Variants in CCDC141 observed in about 807,000 individuals in gnomAD.
The protein encoded by CCDC141 is coiled-coil domain-containing protein 141.
Under a neutral mutation model 181.0 loss-of-function variants are expected in CCDC141, and 168 were observed. The observed-to-expected ratio is 0.93, with a 90% CI of 0.82 to 1.05. The LOEUF is 1.05. Among genes scored for constraint, CCDC141 ranks in the 50% least tolerant of loss-of-function variants. CCDC141 has a pLI of 0.00. For synonymous variants in CCDC141, 666 were observed against 642.3 expected, an observed-to-expected ratio of 1.04 and a Z score of -0.56; for missense variants, 1,902 against 1,788.5, an observed-to-expected ratio of 1.06 and a Z score of -1.14.
rs1412768913 is a variant in CCDC141, at chr2:178,945,760, CT to C, written c.781-1110del. 2.0e-5 allele frequency among the ~76,000 whole-genome samples: 3 copies of C among 151,902 alleles called. No homozygotes were observed. In the East Asian group the frequency reaches 5.8e-4, roughly 29 times the overall value. On this transcript the variant is annotated intron_variant, in intron 5 of 23. Coordinates refer to ENST00000443758, the MANE Select transcript of CCDC141 (RefSeq NM_173648.4). ...GCAGTCTCAGGATTTCTCTGAAATCCTATAACATGGAGAAATGTGTACAACA... is the reference window on the plus strand; with the variant it reads ...GCAGTCTCAGGATTTCTCTGAAATCCATAACATGGAGAAATGTGTACAACA...
At chr2:178,844,680 GA>G (rs1324556956) in intron 22 of CCDC141, among the ~76,000 whole-genome samples, 1 of 152,176 alleles carries the variant, frequency 6.6e-6, no homozygotes, top group African/African-American at 2.4e-5. Context: ...GGACCTATAA[GA>G]AAGCTGAAAG....
intron 2 of CCDC141, among the ~76,000 whole-genome samples, chr2:179,001,383 A>G (rs1022478912): frequency 6.6e-6 from 1 of 152,172 alleles, no homozygotes; most frequent in African/African-American, 2.4e-5. Flanking sequence ...GTGCAGCTGC[A>G]GTGTCAGCAA....
At chr2:178,824,872 A>AGG (rs1193441716), downstream of CCDC141, among the ~76,000 whole-genome samples, 3 of 152,180 alleles carry the variant, frequency 2.0e-5, no homozygotes, top group Non-Finnish European at 4.4e-5. Flanking sequence ...GGGTCTTTAC[A>AGG]GTGCTCTACT....
chr2:178,855,346 C>T lies in CCDC141; in HGVS notation c.3060+1G>A, dbSNP rs774064632. On this transcript the variant is annotated splice_donor_variant, in intron 19 of 23. Transcript: ENST00000443758. LOFTEE classifies it high-confidence loss of function. ...TGGATACCACTGCAAAAAGAGAATACCTCTTCTATCACCTCCTGGAAATGC... is the reference window on the plus strand; with the variant it reads ...TGGATACCACTGCAAAAAGAGAATATCTCTTCTATCACCTCCTGGAAATGC... The T allele has an allele frequency of 1.2e-6, 2 of 1,603,304 alleles. No homozygotes were observed. Among genetic ancestry groups the T allele is most frequent in the Non-Finnish European group, 1.7e-6 (2 of 1,176,582 alleles).
At position 178,898,388 on chromosome 2, in the gene CCDC141, A is replaced by G. The variant is rs147624634; in HGVS notation, c.1265+6941T>C. Among the ~76,000 whole-genome samples the G allele has an allele frequency of 4.4e-4, 67 of 152,310 alleles. 1 individual carries two copies. The East Asian group carries it at 6.2e-3, about 14-fold the overall frequency. On this transcript the variant is annotated intron_variant, in intron 8 of 23. Transcript: ENST00000443758. ...CAGCCTCCAGAATCATAAGCTAGCTAAACTTCTTTCTTTTATATATTACCA... is the reference window on the plus strand; with the variant it reads ...CAGCCTCCAGAATCATAAGCTAGCTGAACTTCTTTCTTTTATATATTACCA...
downstream of CCDC141, chr2:178,825,316 C>T (rs925871694): frequency 6.6e-6 from 1 of 152,180 alleles, no homozygotes; most frequent in Non-Finnish European, 1.5e-5. Flanking sequence ...TACATACCCA[C>T]AGTAGCTACA....
At chr2:178,923,746 C>G (rs11895246) in intron 6 of CCDC141, among the ~76,000 whole-genome samples, 17,899 of 152,086 alleles carry the variant, frequency 0.12, 1,667 homozygotes, top group African/African-American at 0.26. Flanking sequence ...CCATAGGTCA[C>G]TCCGTTATTT....
chr2:178,919,344 G>A (rs1018477551), intron 6 of CCDC141, among the ~76,000 whole-genome samples: 2 of 152,088 alleles, frequency 1.3e-5, no homozygotes, highest in South Asian at 2.1e-4. Flanking sequence ...TCTGCCATTC[G>A]ATTTTCAAAT....
At chr2:178,907,624 A>G (rs1688029410) in intron 7 of CCDC141, among the ~76,000 whole-genome samples, 1 of 152,218 alleles carries the variant, frequency 6.6e-6, no homozygotes, top group South Asian at 2.1e-4. Context: ...TTGAACTTGA[A>G]GAACTCTTCT....
intron 6 of CCDC141, among the ~76,000 whole-genome samples, chr2:178,925,865 T>C (rs1688889652): frequency 6.6e-6 from 1 of 152,174 alleles, no homozygotes; most frequent in South Asian, 2.1e-4. Flanking sequence ...ACACAATCCA[T>C]TGAGATCCAT....
rs1559048844 is a variant in CCDC141, at chr2:179,015,113, ATAATCATATATATATATC to A, written c.225+32153_225+32170del. Among the ~76,000 whole-genome samples, 214 of 29,556 alleles carry A rather than the reference ATAATCATATATATATATC, an allele frequency of 7.2e-3. 3 individuals are homozygous for A. Among genetic ancestry groups the A allele is most frequent in the Non-Finnish European group, 0.02 (165 of 8,274 alleles). The allele number at this position is 29,556 out of a possible 152,430, so 19.4% of individuals were successfully genotyped here. On this transcript the variant is annotated intron_variant, in intron 2 of 23. Coordinates refer to ENST00000443758, the MANE Select transcript of CCDC141 (RefSeq NM_173648.4). ...ATATATATATATATATAATATATATATAATCATATATATATATCATATCATATATATCAATATATCTCA... is the reference window on the plus strand; with the variant it reads ...ATATATATATATATATAATATATATAATATCATATATATCAATATATCTCA...
chr2:178,853,693 G>A, intron 19 of CCDC141, 69 bp from the exon 20 acceptor site: 1 of 1,347,968 alleles, frequency 7.4e-7, no homozygotes, highest in Non-Finnish European at 1.0e-6. Flanking sequence ...ATTTTGACCA[G>A]TGAAGTATCA....
At chr2:179,013,659 C>A (rs887958729) in intron 2 of CCDC141, among the ~76,000 whole-genome samples, 1 of 152,034 alleles carries the variant, frequency 6.6e-6, no homozygotes, top group Admixed American at 6.6e-5. Flanking sequence ...ATAGCCAAAG[C>A]AAGACTAAGC....
intron 8 of CCDC141, among the ~76,000 whole-genome samples, chr2:178,889,265 A>G (rs1053255746): frequency 6.6e-6 from 1 of 152,052 alleles, no homozygotes; most frequent in Non-Finnish European, 1.5e-5. Context: ...TGTTGGCCTC[A>G]TGAGACAAAG....
At chr2:179,013,990 A>AAAAGT (rs2042352691) in intron 2 of CCDC141, among the ~76,000 whole-genome samples, 1 of 134,986 alleles carries the variant, frequency 7.4e-6, no homozygotes, top group Non-Finnish European at 1.6e-5. Flanking sequence ...AAAAAAAAGG[A>AAAAGT]CAAATCTAGA....
At chr2:178,986,186 C>T (rs1371212364) in intron 2 of CCDC141, among the ~76,000 whole-genome samples, 2 of 152,162 alleles carry the variant, frequency 1.3e-5, no homozygotes, top group African/African-American at 4.8e-5. Context: ...AAATGTCATC[C>T]AGCATATAAA....
At position 178,837,515 on chromosome 2, in the gene CCDC141, T is replaced by C; in HGVS notation, c.3704A>G (p.Glu1235Gly). Residue 1235 changes from glutamate (E) to glycine (G), a missense_variant, in exon 23 of 24, where the codon GAA (glutamate) becomes GGA (glycine). Coordinates refer to ENST00000443758, the MANE Select transcript of CCDC141 (RefSeq NM_173648.4). ...SPLAPSDMEVEEPVSSSLSLH... is the reference protein window; with the variant it reads ...SPLAPSDMEVGEPVSSSLSLH... ...GCTGAGGGAGGAGCTGACAGGCTCT[T>C]CCACCTCCATGTCAGATGGTGCAAG... The C allele has an allele frequency of 6.2e-7, 1 of 1,613,996 alleles. No homozygotes were observed. The highest frequency in any genetic ancestry group is 8.5e-7 in the Non-Finnish European group (1 of 1,179,946).
chr2:178,992,380 A>T (rs1692098333), intron 2 of CCDC141, among the ~76,000 whole-genome samples: 1 of 129,404 alleles, frequency 7.7e-6, no homozygotes, highest in South Asian at 2.7e-4. Context: ...TTCTTAAAGG[A>T]AAAAAAAAAC....
At position 178,832,987 on chromosome 2, in the gene CCDC141, C is replaced by G. The variant is rs1026950158; in HGVS notation, c.*1186G>C. The G allele has an allele frequency of 1.3e-5, 2 of 151,990 alleles. No individual in the cohort carries two copies. The highest frequency in any genetic ancestry group is 6.6e-5 in the Admixed American group (1 of 15,248). The allele number at this position is 151,990 out of a possible 1,614,324, so 9.4% of individuals were successfully genotyped here. A position where few individuals can be genotyped will look rare whatever the true frequency, so the allele number is the denominator to read the frequency against. On this transcript the variant is annotated 3_prime_UTR_variant, in exon 24 of 24. Transcript: ENST00000443758. ...TAAAAGGATAGAATTCATCTCATAC[C>G]ATTCTATTACGTTTCCCCCTAGAAC...
Sources: gnomAD v4.1 joint callset for allele counts (sites outside exome capture counted in the v4.1 genomes callset) on GRCh38, gnomAD v4.1.1 for gene constraint, MANE v1.5 for transcripts, NCBI Gene and HGNC (gene_info 2026-07-23, HGNC 2026-07-21) for gene names.